Variants in PPP4R3B observed in about 807,000 individuals in gnomAD.
The protein encoded by PPP4R3B is protein phosphatase 4 regulatory subunit 3B.
In PPP4R3B, 52 loss-of-function variants were observed where a neutral mutation model predicts 95.4. The observed-to-expected ratio is 0.54, with a 90% CI of 0.44 to 0.69. The LOEUF (loss-of-function observed/expected upper bound fraction) is 0.69. PPP4R3B is among the 30% of genes least tolerant of loss of function. The pLI is 0.00. For missense variants in PPP4R3B, 1,003 were observed against 1,005.9 expected (o/e 1.00, Z 0.04); for synonymous variants, 407 against 343.9 (o/e 1.18, Z -2.03).
At chr2:55,599,917 C>T (rs1281120949) in intron 3 of PPP4R3B, among the ~76,000 whole-genome samples, 1 of 152,192 alleles carries the variant, frequency 6.6e-6, no homozygotes. Context: ...TCATTCATTT[C>T]AAAGGAAATG....
intron 7 of PPP4R3B, among the ~76,000 whole-genome samples, chr2:55,582,648 T>C (rs1032377061): frequency 6.6e-6 from 1 of 152,242 alleles, no homozygotes; most frequent in Non-Finnish European, 1.5e-5. Flanking sequence ...AATCTTCTAC[T>C]GACACTGTCT....
At chr2:55,575,086 C>T (rs775619908) in intron 11 of PPP4R3B, among the ~76,000 whole-genome samples, 34 of 150,976 alleles carry the variant, frequency 2.3e-4, no homozygotes, top group Non-Finnish European at 3.2e-4. Flanking sequence ...TACAGGCGCC[C>T]GCCACAACGC....
At chr2:55,562,194 G>A (rs1223182804) in intron 15 of PPP4R3B, among the ~76,000 whole-genome samples, 1 of 152,106 alleles carries the variant, frequency 6.6e-6, no homozygotes, top group Non-Finnish European at 1.5e-5. Context: ...GGCCAAAGTG[G>A]GTGAATCATC....
In PPP4R3B at chr2:55,564,509, A is replaced by G. The variant is rs201780222; in HGVS notation, c.2076-12T>C. The G allele has an allele frequency of 3.2e-4, 502 of 1,568,450 alleles. 2 individuals carry two copies. The highest frequency in any genetic ancestry group is 4.0e-4 in the Non-Finnish European group (463 of 1,161,940). On this transcript the variant is annotated splice_polypyrimidine_tract_variant and intron_variant, in intron 14 of 16. Coordinates refer to ENST00000616407, the MANE Select transcript of PPP4R3B (RefSeq NM_001122964.3). ...ATATAGATGGTACACTGTAAGAAAT[A>G]TATCACAAATATTGAGTAATGATTT...
At chr2:55,616,336 ACAAG>A (rs954506164) in intron 1 of PPP4R3B, among the ~76,000 whole-genome samples, 57 of 152,348 alleles carry the variant, frequency 3.7e-4, no homozygotes, top group Admixed American at 1.2e-3. Flanking sequence ...ATAAAAGGGA[ACAAG>A]CAAGAATACA....
chr2:55,593,915 T>C (rs1691386780), intron 4 of PPP4R3B, among the ~76,000 whole-genome samples: 1 of 152,168 alleles, frequency 6.6e-6, no homozygotes, highest in South Asian at 2.1e-4. Context: ...CCCACCTAAG[T>C]GTCTACCAAC....
Position 55,547,699 on chromosome 2 carries a change from G to A in PPP4R3B, c.*2212C>T, listed in dbSNP as rs1684863785. The A allele has an allele frequency of 6.6e-6, 1 of 152,280 alleles. No individual in the cohort carries two copies. Among genetic ancestry groups the A allele is most frequent in the South Asian group, 2.1e-4 (1 of 4,822 alleles). The allele number at this position is 152,280 out of a possible 1,614,324, so 9.4% of individuals were successfully genotyped here. A position where few individuals can be genotyped will look rare whatever the true frequency, so the allele number is the denominator to read the frequency against. ...CAGAGATAGGGAGGCTGAGGCGGGT[G>A]GATTGTGAGGTCAGGAGTTTAAGAC... On this transcript the variant is annotated 3_prime_UTR_variant, in exon 17 of 17. Transcript: ENST00000616407.
At chr2:55,558,996 A>C (rs567432441) in intron 15 of PPP4R3B, 28 bp from the exon 16 acceptor site, 2 of 1,547,674 alleles carry the variant, frequency 1.3e-6, no homozygotes, top group South Asian at 2.3e-5. Context: ...TTTTGAACGT[A>C]TATCAATAAA....
chr2:55,586,561 C>A (rs1690178680), intron 6 of PPP4R3B, 57 bp downstream of exon 6: 1 of 973,918 alleles, frequency 1.0e-6, no homozygotes, highest in Non-Finnish European at 1.6e-6. Context: ...CCATCCATAA[C>A]ATAAGTGTAT....
At chr2:55,608,410 G>A (rs1224087473) in intron 2 of PPP4R3B, among the ~76,000 whole-genome samples, 1 of 152,212 alleles carries the variant, frequency 6.6e-6, no homozygotes, top group Non-Finnish European at 1.5e-5. Context: ...CTGACCCTGG[G>A]AAACAGTCAA....
chr2:55,599,371 G>C (rs1233403077), intron 3 of PPP4R3B, among the ~76,000 whole-genome samples: 1 of 152,214 alleles, frequency 6.6e-6, no homozygotes, highest in Non-Finnish European at 1.5e-5. Flanking sequence ...CTGGAAGGTG[G>C]AGGTTGCAGT....
At chr2:55,587,647 A>G (rs112403113) in intron 5 of PPP4R3B, among the ~76,000 whole-genome samples, 19 of 152,348 alleles carry the variant, frequency 1.2e-4, no homozygotes, top group African/African-American at 4.6e-4. Flanking sequence ...TTAACTCTTT[A>G]AACACATTCA....
intron 4 of PPP4R3B, among the ~76,000 whole-genome samples, chr2:55,596,355 A>G (rs557535867): frequency 1.3e-5 from 2 of 152,222 alleles, no homozygotes; most frequent in East Asian, 3.8e-4. Flanking sequence ...CGAAAAAAAA[A>G]ATCAGATTCA....
intron 3 of PPP4R3B, among the ~76,000 whole-genome samples, chr2:55,602,173 GTT>G (rs1029722579): frequency 6.6e-6 from 1 of 152,186 alleles, no homozygotes; most frequent in Admixed American, 6.5e-5. Context: ...TATAGGAAAA[GTT>G]AGTTGTTTCT....
At chr2:55,594,745 T>C (rs914883087) in intron 4 of PPP4R3B, among the ~76,000 whole-genome samples, 4 of 152,142 alleles carry the variant, frequency 2.6e-5, no homozygotes, top group African/African-American at 4.8e-5. Context: ...ACAAGTGAAA[T>C]AGCACCCTGA....
rs536356447 is a variant in PPP4R3B at position 55,557,190 on chromosome 2, C to T, written c.2454+1585G>A. Reference sequence around the variant, plus strand: ...AAGGTTTGAACCCAAACAATACAACCCTATGGCAAATATTCTTTTTTGAGC... The same window carrying T: ...AAGGTTTGAACCCAAACAATACAACTCTATGGCAAATATTCTTTTTTGAGC... On this transcript the variant is annotated intron_variant, in intron 16 of 16. Coordinates refer to ENST00000616407, the MANE Select transcript of PPP4R3B (RefSeq NM_001122964.3). 2.6e-5 allele frequency among the ~76,000 whole-genome samples: 4 copies of T among 152,220 alleles called. 1 individual carries two copies. The highest frequency in any genetic ancestry group is 9.6e-5 in the African/African-American group (4 of 41,540).
At chr2:55,595,948 T>G (rs1463411582) in intron 4 of PPP4R3B, among the ~76,000 whole-genome samples, 1 of 152,204 alleles carries the variant, frequency 6.6e-6, no homozygotes, top group Non-Finnish European at 1.5e-5. Flanking sequence ...GAGTATAGGC[T>G]ACTGTTACAA....
chr2:55,578,311 C>T lies in PPP4R3B; in HGVS notation c.1500G>A (p.Trp500Ter). ...AATGTGAAGGGGTACATATGAAACT[C>T]CAACTATATCTGTAATGTTTTAAAA... Reference protein sequence around the residue: ...DFFLKHYRYSWSFICTPSHSH... With the variant: ...DFFLKHYRYS Residue 500 changes from tryptophan (W) to a stop codon, truncating the protein, a stop_gained, in exon 10 of 17, where the codon TGG becomes TGA. Coordinates refer to ENST00000616407, the MANE Select transcript of PPP4R3B (RefSeq NM_001122964.3). LOFTEE classifies it high-confidence loss of function. 1 of 1,452,552 alleles carries T rather than the reference C, an allele frequency of 6.9e-7. No homozygotes were observed. Among genetic ancestry groups the T allele is most frequent in the Non-Finnish European group, 9.1e-7 (1 of 1,101,812 alleles). 90.0% of individuals were successfully genotyped at this position (1,452,552 alleles called of 1,614,324 possible).
intron 10 of PPP4R3B, among the ~76,000 whole-genome samples, chr2:55,577,879 G>C (rs139334084): frequency 7.2e-5 from 11 of 151,744 alleles, no homozygotes; most frequent in Non-Finnish European, 1.6e-4. Flanking sequence ...ATACATTCTA[G>C]AGCACATCAA....
Sources: gnomAD v4.1 joint callset for allele counts (sites outside exome capture counted in the v4.1 genomes callset) on GRCh38, gnomAD v4.1.1 for gene constraint, MANE v1.5 for transcripts, NCBI Gene and HGNC (gene_info 2026-07-23, HGNC 2026-07-21) for gene names.